The following DTWD2 variants were observed in gnomAD, a reference collection of about 807,000 sequenced individuals.
The protein encoded by DTWD2 is DTW motif tRNA-uridine aminocarboxypropyltransferase 2, also known as tRNA-uridine aminocarboxypropyltransferase 2.
In DTWD2, 39 loss-of-function variants were observed where a neutral mutation model predicts 31.8. That is an observed-to-expected ratio of 1.22 (90% CI 0.95 to 1.60). DTWD2 has a LOEUF of 1.60. DTWD2 is among the 40% of genes most tolerant of loss of function. The pLI is 0.00. For missense variants in DTWD2, 515 were observed against 381.5 expected (o/e 1.35, Z -2.92); for synonymous variants, 180 against 142.8 (o/e 1.26, Z -1.86).
At chr5:118,927,919 G>A (rs987871468) in intron 4 of DTWD2, among the ~76,000 whole-genome samples, 21 of 151,866 alleles carry the variant, frequency 1.4e-4, no homozygotes, top group African/African-American at 4.6e-4. Flanking sequence ...CATGACAGTG[G>A]ACCAAAAATA....
intron 4 of DTWD2, among the ~76,000 whole-genome samples, chr5:118,851,598 T>G: frequency 6.7e-6 from 1 of 149,922 alleles, no homozygotes; most frequent in East Asian, 2.0e-4. Flanking sequence ...TGTGCACGTA[T>G]TGTCTTGATA....
In DTWD2 at chr5:118,848,148, G is replaced by A. The variant is rs1488742113; in HGVS notation, c.668C>T (p.Thr223Ile). 3 of 1,608,046 alleles carry A rather than the reference G, an allele frequency of 1.9e-6. No individual in the cohort carries two copies. Among genetic ancestry groups the A allele is most frequent in the South Asian group, 1.1e-5 (1 of 89,826 alleles). ...RMQPTNRCLS[T>I]LECAAVALSI... ...AAGAGCAACAGCTGCACACTCCAGTGTAGAAAGGCATCTATTAGTCGGCTG... is the reference window on the plus strand; with the variant it reads ...AAGAGCAACAGCTGCACACTCCAGTATAGAAAGGCATCTATTAGTCGGCTG... Residue 223 changes from threonine (T) to isoleucine (I), a missense_variant, in exon 5 of 6, where the codon ACA becomes ATA. Physicochemically the swap from Thr to Ile is moderately conservative, Grantham distance 89 (BLOSUM62 -1). Transcript: ENST00000510708.
chr5:118,854,156 T>A (rs1343429609), intron 4 of DTWD2, among the ~76,000 whole-genome samples: 4 of 152,170 alleles, frequency 2.6e-5, no homozygotes, highest in Non-Finnish European at 5.9e-5. Flanking sequence ...TTTTTCACAT[T>A]ATGAAAAATG....
intron 4 of DTWD2, among the ~76,000 whole-genome samples, chr5:118,895,402 G>A (rs1404082236): frequency 6.6e-6 from 1 of 152,166 alleles, no homozygotes; most frequent in Non-Finnish European, 1.5e-5. Flanking sequence ...CTCATGGATT[G>A]GAAGAATTAA....
intron 4 of DTWD2, among the ~76,000 whole-genome samples, chr5:118,854,762 T>C (rs1752091638): frequency 6.6e-6 from 1 of 152,160 alleles, no homozygotes; most frequent in Non-Finnish European, 1.5e-5. Context: ...GAAACTAGTG[T>C]TTCATTATCA....
At chr5:118,919,561 G>A (rs530909138) in intron 4 of DTWD2, among the ~76,000 whole-genome samples, 8 of 152,278 alleles carry the variant, frequency 5.3e-5, no homozygotes, top group Non-Finnish European at 8.8e-5. Context: ...AAAAAATCAT[G>A]AGTGTGCAGA....
chr5:118,970,213 G>A (rs1754953244), intron 1 of DTWD2, among the ~76,000 whole-genome samples: 1 of 152,202 alleles, frequency 6.6e-6, no homozygotes, highest in Non-Finnish European at 1.5e-5. Flanking sequence ...GATCACCTGA[G>A]GTCAGGAGTT....
At chr5:118,866,055 G>A (rs890284915) in intron 4 of DTWD2, among the ~76,000 whole-genome samples, 1 of 151,908 alleles carries the variant, frequency 6.6e-6, no homozygotes, top group Non-Finnish European at 1.5e-5. Flanking sequence ...CTGGGAAGGA[G>A]AGTAACTGAT....
intron 4 of DTWD2, among the ~76,000 whole-genome samples, chr5:118,896,696 C>G (rs1212862491): frequency 3.9e-5 from 6 of 152,132 alleles, no homozygotes; most frequent in Non-Finnish European, 5.9e-5. Flanking sequence ...ATTAATACTG[C>G]TCAGAATAAA....
intron 4 of DTWD2, among the ~76,000 whole-genome samples, chr5:118,913,349 C>T (rs1259469681): frequency 1.3e-5 from 2 of 150,158 alleles, no homozygotes; most frequent in East Asian, 1.9e-4. Context: ...TATTGGTATA[C>T]TCTGCAAATT....
At chr5:118,882,114 G>A (rs899251801) in intron 4 of DTWD2, among the ~76,000 whole-genome samples, 2 of 152,222 alleles carry the variant, frequency 1.3e-5, no homozygotes, top group African/African-American at 4.8e-5. Context: ...TGGGAGTACA[G>A]GCATTGGGTA....
At chr5:118,865,742 T>G (rs547765715) in intron 4 of DTWD2, among the ~76,000 whole-genome samples, 33 of 152,320 alleles carry the variant, frequency 2.2e-4, no homozygotes, top group African/African-American at 7.9e-4. Context: ...TCATTTTATC[T>G]CATTGATTCA....
intron 3 of DTWD2, among the ~76,000 whole-genome samples, chr5:118,935,759 C>A (rs1347400877): frequency 6.6e-6 from 1 of 152,072 alleles, no homozygotes; most frequent in African/African-American, 2.4e-5. Context: ...ACCAAAAGAA[C>A]AAAATGTAAA....
chr5:118,856,529 T>C (rs1752137711), intron 4 of DTWD2, among the ~76,000 whole-genome samples: 1 of 152,180 alleles, frequency 6.6e-6, no homozygotes. Flanking sequence ...ATTTAAGTAC[T>C]AGGTTAAGCA....
Position 118,934,272 on chromosome 5 carries a change from TAAAAAAAAAAAAAA to T in DTWD2, c.404+4910_404+4923del, listed in dbSNP as rs397999089. On this transcript the variant is annotated intron_variant, in intron 3 of 5. Coordinates refer to ENST00000510708, the MANE Select transcript of DTWD2 (RefSeq NM_173666.4). The stretch of plus-strand genomic sequence containing the variant: ...CAACATAGTGAGACCTTGTCTCCAT[TAAAAAAAAAAAAAA>T]AAAAAAAAAAAAAAAGCAAAGAATA... Among the ~76,000 whole-genome samples the T allele has an allele frequency of 9.8e-3, 231 of 23,580 alleles. 4 individuals carry two copies. Among genetic ancestry groups the T allele is most frequent in the South Asian group, 0.014 (6 of 416 alleles). 15.5% of individuals were successfully genotyped at this position (23,580 alleles called of 152,430 possible). A position where few individuals can be genotyped will look rare whatever the true frequency, so the allele number is the denominator to read the frequency against.
intron 4 of DTWD2, among the ~76,000 whole-genome samples, chr5:118,888,257 T>C (rs767006385): frequency 3.7e-4 from 56 of 152,296 alleles, no homozygotes; most frequent in Admixed American, 8.5e-4. Flanking sequence ...TCCTTCTCTT[T>C]CCTTCTTCCT....
chr5:118,860,672 G>C (rs1458490342), intron 4 of DTWD2, among the ~76,000 whole-genome samples: 4 of 152,072 alleles, frequency 2.6e-5, no homozygotes, highest in Non-Finnish European at 5.9e-5. Flanking sequence ...GTTCATAATA[G>C]AGCATATTGT....
intron 4 of DTWD2, among the ~76,000 whole-genome samples, chr5:118,875,554 C>T (rs1372220488): frequency 2.4e-5 from 3 of 122,934 alleles, no homozygotes; most frequent in African/African-American, 9.6e-5. Context: ...GGTTGCAATC[C>T]TAGTTTCTGA....
At position 118,956,798 on chromosome 5, in the gene DTWD2, C is replaced by T. The variant is rs192091591; in HGVS notation, c.219-12149G>A. On this transcript the variant is annotated intron_variant, in intron 1 of 5. Coordinates refer to ENST00000510708, the MANE Select transcript of DTWD2 (RefSeq NM_173666.4). ...CAAAATTTTTATACTCCTAACATAGCGAAAAAGCAAAGAACAAAAAGTTTC... is the reference window on the plus strand; with the variant it reads ...CAAAATTTTTATACTCCTAACATAGTGAAAAAGCAAAGAACAAAAAGTTTC... Among the ~76,000 whole-genome samples, 544 of 152,122 alleles carry T rather than the reference C, an allele frequency of 3.6e-3. 4 individuals are homozygous for T. The highest frequency in any genetic ancestry group is 0.012 in the African/African-American group (498 of 41,476).
Sources: gnomAD v4.1 joint callset for allele counts (sites outside exome capture counted in the v4.1 genomes callset) on GRCh38, gnomAD v4.1.1 for gene constraint, MANE v1.5 for transcripts, NCBI Gene and HGNC (gene_info 2026-07-23, HGNC 2026-07-21) for gene names.